BIRC6: variants seen among roughly 807,000 people sequenced by gnomAD.
BIRC6 encodes baculoviral IAP repeat containing 6, also known as dual E2 ubiquitin-conjugating enzyme/E3 ubiquitin-protein ligase BIRC6.
Under a neutral mutation model 503.3 loss-of-function variants are expected in BIRC6, and 98 were observed. The ratio of observed to expected loss-of-function variants is 0.19; its 90% CI spans 0.17 to 0.23. The LOEUF is 0.23. BIRC6 is among the 10% of genes least tolerant of loss of function. The pLI, the probability that BIRC6 is intolerant of heterozygous loss-of-function variation, is 1.00. For synonymous variants in BIRC6, 2,240 were observed against 2,078.7 expected, an observed-to-expected ratio of 1.08 and a Z score of -2.11; for missense variants, 5,360 against 5,806.0, an observed-to-expected ratio of 0.92 and a Z score of 2.50.
rs191044194 is a variant in BIRC6, at chr2:32,544,953, C to T, written c.12593-690C>T. Among the ~76,000 whole-genome samples, 24 of 151,070 alleles carry T rather than the reference C, an allele frequency of 1.6e-4. No homozygotes were observed. The East Asian group carries it at 2.3e-3, about 15-fold the overall frequency. ...GTTGTACATATTTATGTTATACATA[C>T]GATATTTTGATAAAGACATAGAATG... On this transcript the variant is annotated intron_variant, in intron 62 of 73. Coordinates refer to ENST00000421745, the MANE Select transcript of BIRC6 (RefSeq NM_016252.4).
intron 23 of BIRC6, among the ~76,000 whole-genome samples, chr2:32,460,725 T>A (rs747895718): frequency 6.6e-6 from 1 of 152,024 alleles, no homozygotes; most frequent in Non-Finnish European, 1.5e-5. Flanking sequence ...TGTTTACGTC[T>A]TCTGTTTGCT....
intron 73 of BIRC6, 94 bp from the exon 74 acceptor site, chr2:32,617,631 A>C: frequency 7.6e-7 from 1 of 1,311,984 alleles, no homozygotes; most frequent in Non-Finnish European, 1.0e-6. Context: ...TGTAGGCTTA[A>C]TGCTTTGGGC....
intron 10 of BIRC6, among the ~76,000 whole-genome samples, chr2:32,427,621 C>T (rs2043669267): frequency 6.6e-6 from 1 of 151,988 alleles, no homozygotes; most frequent in Non-Finnish European, 1.5e-5. Context: ...TTTGTTGAGT[C>T]GTTTATACCA....
At chr2:32,430,221 A>G (rs1482609532) in intron 11 of BIRC6, among the ~76,000 whole-genome samples, 1 of 152,220 alleles carries the variant, frequency 6.6e-6, no homozygotes, top group Non-Finnish European at 1.5e-5. Flanking sequence ...AATGGGAACA[A>G]TGGCTTAGCA....
intron 1 of BIRC6, among the ~76,000 whole-genome samples, chr2:32,371,729 G>A (rs2035987789): frequency 6.6e-6 from 1 of 151,934 alleles, no homozygotes; most frequent in African/African-American, 2.4e-5. Context: ...TCATAGTGAT[G>A]TGTTATGAAC....
intron 66 of BIRC6, among the ~76,000 whole-genome samples, chr2:32,576,489 A>G (rs2060272220): frequency 6.6e-6 from 1 of 152,178 alleles, no homozygotes; most frequent in Admixed American, 6.5e-5. Context: ...ATTTTGAAGC[A>G]TTTATACTGT....
At chr2:32,606,533 C>A (rs1288887963) in intron 71 of BIRC6, among the ~76,000 whole-genome samples, 1 of 152,068 alleles carries the variant, frequency 6.6e-6, no homozygotes, top group Non-Finnish European at 1.5e-5. Flanking sequence ...ACGGAGGTTG[C>A]AATGAACCAA....
chr2:32,586,247 A>AT (rs940249959), intron 66 of BIRC6, among the ~76,000 whole-genome samples: 3 of 151,218 alleles, frequency 2.0e-5, no homozygotes, highest in Admixed American at 6.6e-5. Context: ...TACTTAAGTG[A>AT]TTTAAAAAAA....
chr2:32,492,006 T>G (rs2051787309), intron 44 of BIRC6, among the ~76,000 whole-genome samples: 1 of 152,136 alleles, frequency 6.6e-6, no homozygotes, highest in South Asian at 2.1e-4. Flanking sequence ...CATTTTCTGT[T>G]TCACTGTAAA....
At chr2:32,368,527 G>A (rs1010890346) in intron 1 of BIRC6, among the ~76,000 whole-genome samples, 3 of 151,996 alleles carry the variant, frequency 2.0e-5, no homozygotes, top group African/African-American at 7.3e-5. Context: ...GTGACATAGC[G>A]AGACTTTGTC....
intron 24 of BIRC6, among the ~76,000 whole-genome samples, chr2:32,463,759 T>C (rs1572410548): frequency 1.3e-5 from 2 of 152,370 alleles, no homozygotes; most frequent in South Asian, 4.1e-4. Context: ...TAATGACAGA[T>C]GCTTCATAAA....
intron 9 of BIRC6, 68 bp from the exon 10 acceptor site, chr2:32,414,701 T>C (rs1352517716): frequency 1.9e-6 from 2 of 1,069,606 alleles, no homozygotes; most frequent in Admixed American, 6.0e-5. Flanking sequence ...ATAATTTTAC[T>C]TGTGTATTCA....
intron 39 of BIRC6, among the ~76,000 whole-genome samples, chr2:32,484,878 T>C (rs1371334106): frequency 6.6e-6 from 1 of 152,168 alleles, no homozygotes; most frequent in Non-Finnish European, 1.5e-5. Flanking sequence ...TAGTTCACTG[T>C]TAATGAAGAT....
chr2:32,510,402 G>A (rs908827058), intron 52 of BIRC6, 124 bp from the exon 53 acceptor site: 32 of 667,194 alleles, frequency 4.8e-5, no homozygotes, highest in Non-Finnish European at 7.1e-5. Context: ...TTTAGAGTTT[G>A]TTCTGTGTTG....
At chr2:32,462,780 A>T (rs2048136691) in intron 23 of BIRC6, among the ~76,000 whole-genome samples, 1 of 152,094 alleles carries the variant, frequency 6.6e-6, no homozygotes, top group Non-Finnish European at 1.5e-5. Context: ...ATATGGCGAG[A>T]CCGCATCTCT....
rs1242557808 is a variant in BIRC6, at chr2:32,508,244, A to G, written c.9965A>G (p.Gln3322Arg). 10 of 1,541,584 alleles carry G rather than the reference A, an allele frequency of 6.5e-6. No individual in the cohort carries two copies. Among genetic ancestry groups the G allele is most frequent in the Non-Finnish European group, 8.8e-6 (10 of 1,133,018 alleles). ...VNNPFLPSED[Q>R]VSKTSIGWLR... ...AATCCATTCCTTCCATCTGAAGATC[A>G]GGTATCCAAAACAAGGTATGTTTTG... Residue 3322 changes from glutamine to arginine, a missense_variant, in exon 51 of 74, where the codon CAG (glutamine) becomes CGG (arginine). Coordinates refer to ENST00000421745, the MANE Select transcript of BIRC6 (RefSeq NM_016252.4).
intron 66 of BIRC6, among the ~76,000 whole-genome samples, chr2:32,586,941 A>G (rs755453595): frequency 3.7e-4 from 56 of 152,228 alleles, no homozygotes; most frequent in African/African-American, 9.2e-4. Flanking sequence ...TGACATAGCT[A>G]TGATAAGAAC....
chr2:32,459,668 G>A (rs1164989214), intron 23 of BIRC6, among the ~76,000 whole-genome samples: 1 of 152,006 alleles, frequency 6.6e-6, no homozygotes, highest in East Asian at 1.9e-4. Flanking sequence ...ACTTGTGTGT[G>A]TGTTTTTCTG....
chr2:32,568,071 CA>C (rs1470837923), intron 65 of BIRC6, among the ~76,000 whole-genome samples: 1 of 152,100 alleles, frequency 6.6e-6, no homozygotes, highest in Non-Finnish European at 1.5e-5. Flanking sequence ...AAGATTGTGC[CA>C]CTGCACTCCA....
Sources: allele counts gnomAD v4.1 joint callset (sites outside exome capture counted in the v4.1 genomes callset), GRCh38; gene constraint gnomAD v4.1.1; transcripts MANE v1.5; gene names NCBI Gene and HGNC (gene_info 2026-07-23, HGNC 2026-07-21).